CPQ: variants seen among roughly 807,000 people sequenced by gnomAD.
CPQ encodes Ser-Met dipeptidase.
CPQ carries 37 observed loss-of-function variants against 45.7 expected under a neutral mutation model. The observed-to-expected ratio is 0.81, with a 90% CI of 0.62 to 1.07. CPQ has a LOEUF of 1.07. Among genes scored for constraint, CPQ ranks in the 50% least tolerant of loss-of-function variants. The probability of loss-of-function intolerance (pLI) is 0.00; values close to 1 mark genes in which losing one functional copy is unlikely to be tolerated. For synonymous variants in CPQ, 186 were observed against 205.8 expected, an observed-to-expected ratio of 0.90 and a Z score of 0.82; for missense variants, 537 against 572.9, an observed-to-expected ratio of 0.94 and a Z score of 0.64.
chr8:96,932,488 C>T (rs1812987957), intron 4 of CPQ, among the ~76,000 whole-genome samples: 1 of 152,098 alleles, frequency 6.6e-6, no homozygotes, highest in Non-Finnish European at 1.5e-5. Context: ...CTAGTTCATC[C>T]ATTTTAATTA....
intron 5 of CPQ, among the ~76,000 whole-genome samples, chr8:97,023,758 A>C (rs10955094): frequency 6.6e-6 from 1 of 151,950 alleles, no homozygotes; most frequent in East Asian, 1.9e-4. Flanking sequence ...AAGTCTCCAC[A>C]GGGCTTATTA....
intron 7 of CPQ, among the ~76,000 whole-genome samples, chr8:97,105,877 G>C (rs1811394882): frequency 6.6e-6 from 1 of 152,118 alleles, no homozygotes; most frequent in South Asian, 2.1e-4. Flanking sequence ...CATTTCTACA[G>C]CTATTTGGTA....
At chr8:96,932,625 C>T (rs527258484) in intron 4 of CPQ, among the ~76,000 whole-genome samples, 2 of 152,274 alleles carry the variant, frequency 1.3e-5, no homozygotes, top group East Asian at 1.9e-4. Flanking sequence ...TCGTGAATTA[C>T]ATGTTCTTGG....
At chr8:96,974,029 A>G (rs918458113) in intron 5 of CPQ, among the ~76,000 whole-genome samples, 2 of 152,196 alleles carry the variant, frequency 1.3e-5, no homozygotes, top group African/African-American at 4.8e-5. Flanking sequence ...CAATACTAAC[A>G]TTGATTGTAA....
chr8:96,709,150 C>A (rs1397325774), intron 1 of CPQ, among the ~76,000 whole-genome samples: 1 of 152,078 alleles, frequency 6.6e-6, no homozygotes, highest in Non-Finnish European at 1.5e-5. Context: ...GTTTTGTTTA[C>A]ATGAATAAAT....
intron 7 of CPQ, among the ~76,000 whole-genome samples, chr8:97,120,253 G>A (rs969375913): frequency 2.6e-5 from 4 of 152,150 alleles, no homozygotes; most frequent in Non-Finnish European, 4.4e-5. Flanking sequence ...CCTCGGCCCA[G>A]GTGCAGCCCA....
At chr8:97,127,818 G>A (rs1811872810) in intron 7 of CPQ, among the ~76,000 whole-genome samples, 1 of 152,188 alleles carries the variant, frequency 6.6e-6, no homozygotes, top group Admixed American at 6.5e-5. Context: ...ATTATGCTGA[G>A]CAAAAGAAGC....
chr8:96,911,973 G>A (rs1305941653), intron 4 of CPQ, among the ~76,000 whole-genome samples: 2 of 152,148 alleles, frequency 1.3e-5, no homozygotes, highest in African/African-American at 4.8e-5. Flanking sequence ...AGTTCTCAGA[G>A]CCTCCCTTTC....
At chr8:96,989,703 A>G (rs1809056185) in intron 5 of CPQ, among the ~76,000 whole-genome samples, 1 of 152,036 alleles carries the variant, frequency 6.6e-6, no homozygotes, top group Non-Finnish European at 1.5e-5. Flanking sequence ...ACATATTCCT[A>G]TTTGTTCTTT....
At chr8:96,665,554 G>A (rs747493696) in intron 1 of CPQ, among the ~76,000 whole-genome samples, 287 of 152,228 alleles carry the variant, frequency 1.9e-3, no homozygotes, top group Non-Finnish European at 3.3e-3. Context: ...TGAGTTTGGA[G>A]ATGTTGAATC....
intron 5 of CPQ, among the ~76,000 whole-genome samples, chr8:96,989,450 G>A (rs1655141347): frequency 7.2e-6 from 1 of 139,802 alleles, no homozygotes; most frequent in South Asian, 2.6e-4. Flanking sequence ...GGGGAGGGGA[G>A]GGGACAGGAG....
chr8:97,093,434 AG>A (rs1811158023), intron 7 of CPQ, among the ~76,000 whole-genome samples: 1 of 152,232 alleles, frequency 6.6e-6, no homozygotes, highest in African/African-American at 2.4e-5. Flanking sequence ...TCAATGGTAG[AG>A]TGGATAAAGA....
chr8:96,823,201 C>A (rs951413674), intron 2 of CPQ, among the ~76,000 whole-genome samples: 2 of 151,806 alleles, frequency 1.3e-5, no homozygotes, highest in African/African-American at 4.8e-5. Context: ...ATCTTCCCAG[C>A]AAAATTAAAA....
chr8:97,008,245 A>C (rs1809421807), intron 5 of CPQ, among the ~76,000 whole-genome samples: 1 of 152,262 alleles, frequency 6.6e-6, no homozygotes, highest in African/African-American at 2.4e-5. Context: ...CTCAGTACAC[A>C]GAAATAGATT....
intron 2 of CPQ, among the ~76,000 whole-genome samples, chr8:96,819,418 G>A (rs1811272140): frequency 6.6e-6 from 1 of 151,840 alleles, no homozygotes; most frequent in Non-Finnish European, 1.5e-5. Flanking sequence ...AAGAAAAATG[G>A]GTGCCCTTTA....
At chr8:96,759,816 T>C (rs1810375698) in intron 1 of CPQ, among the ~76,000 whole-genome samples, 1 of 152,210 alleles carries the variant, frequency 6.6e-6, no homozygotes, top group Non-Finnish European at 1.5e-5. Context: ...AAATGATCAC[T>C]ACCACTGAGT....
intron 1 of CPQ, among the ~76,000 whole-genome samples, chr8:96,768,943 C>T (rs1810505109): frequency 6.6e-6 from 1 of 152,298 alleles, no homozygotes; most frequent in African/African-American, 2.4e-5. Flanking sequence ...ATGGGGAAAA[C>T]ATGCTGTTTA....
intron 1 of CPQ, among the ~76,000 whole-genome samples, chr8:96,756,697 G>T (rs1403450125): frequency 6.6e-5 from 10 of 151,862 alleles, no homozygotes; most frequent in Admixed American, 2.0e-4. Flanking sequence ...AAATGTTTTG[G>T]GTTTAATTGC....
intron 6 of CPQ, among the ~76,000 whole-genome samples, chr8:97,054,971 G>A (rs1403813743): frequency 6.6e-6 from 1 of 152,142 alleles, no homozygotes; most frequent in Non-Finnish European, 1.5e-5. Flanking sequence ...TCTACAGATA[G>A]CCATAGGCAT....
Sources: allele counts gnomAD v4.1 joint callset (sites outside exome capture counted in the v4.1 genomes callset), GRCh38; gene constraint gnomAD v4.1.1; transcripts MANE v1.5; gene names NCBI Gene and HGNC (gene_info 2026-07-23, HGNC 2026-07-21).